The following ELAPOR1 variants were observed in gnomAD, a reference collection of about 807,000 sequenced individuals.
The protein encoded by ELAPOR1 is endosome/lysosome-associated apoptosis and autophagy regulator 1.
In ELAPOR1, 77 loss-of-function variants were observed where a neutral mutation model predicts 119.7. The ratio of observed to expected loss-of-function variants is 0.64; its 90% CI spans 0.54 to 0.78. The LOEUF is 0.78. ELAPOR1 is among the 30% of genes least tolerant of loss of function. The pLI is 0.00. For missense variants in ELAPOR1, 1,115 were observed against 1,270.4 expected, an observed-to-expected ratio of 0.88 and a Z score of 1.86; for synonymous variants, 481 against 487.2, an observed-to-expected ratio of 0.99 and a Z score of 0.17.
intron 7 of ELAPOR1, among the ~76,000 whole-genome samples, chr1:109,182,839 C>A (rs1434677340): frequency 3.4e-5 from 5 of 146,078 alleles, no homozygotes; most frequent in Non-Finnish European, 6.0e-5. Context: ...TGCACTCCAG[C>A]CTGGGCAACA....
intron 21 of ELAPOR1, among the ~76,000 whole-genome samples, chr1:109,202,103 A>G (rs760221593): frequency 6.6e-6 from 1 of 152,062 alleles, no homozygotes; most frequent in Non-Finnish European, 1.5e-5. Context: ...CTGTCTCTAA[A>G]AAACATGTAT....
At chr1:109,134,118 T>C (rs1014411649) in intron 1 of ELAPOR1, among the ~76,000 whole-genome samples, 1 of 152,216 alleles carries the variant, frequency 6.6e-6, no homozygotes, top group Non-Finnish European at 1.5e-5. Context: ...TTATTCCTTG[T>C]AGCAGAAGCC....
At chr1:109,128,098 C>G (rs1440858153) in intron 1 of ELAPOR1, among the ~76,000 whole-genome samples, 2 of 152,290 alleles carry the variant, frequency 1.3e-5, no homozygotes, top group South Asian at 4.1e-4. Flanking sequence ...GTCTTCAACT[C>G]CTGACCTTAA....
Position 109,164,479 on chromosome 1 carries a change from G to C in ELAPOR1, c.275-20G>C, listed in dbSNP as rs564773743. 6.3e-7 allele frequency: 1 copy of C among 1,595,302 alleles called. No individual in the cohort carries two copies. The highest frequency in any genetic ancestry group is 1.3e-5 in the African/African-American group (1 of 74,862). ...TGCAGTGACCTCACTGCCCCACCTT[G>C]TCTCTGCCCTGTTTTCCAGCCTTCT... On this transcript the variant is annotated intron_variant, in intron 2 of 21. Coordinates refer to ENST00000369939, the MANE Select transcript of ELAPOR1 (RefSeq NM_020775.5).
Position 109,130,896 on chromosome 1 carries a change from G to A in ELAPOR1, c.153+16560G>A, listed in dbSNP as rs555451495. ...CGTAAATCTGTAGTCTCAGCTACTC[G>A]GGAGGCTGAGGCAGGAGGATCACTT... is the stretch of plus-strand genomic sequence containing the variant. On this transcript the variant is annotated intron_variant, in intron 1 of 21. Transcript: ENST00000369939. Among the ~76,000 whole-genome samples the A allele has an allele frequency of 2.6e-5, 4 of 152,176 alleles. No individual in the cohort carries two copies. The South Asian group carries it at 6.2e-4, about 24-fold the overall frequency.
At chr1:109,131,476 G>A (rs1026253235) in intron 1 of ELAPOR1, among the ~76,000 whole-genome samples, 3 of 152,020 alleles carry the variant, frequency 2.0e-5, no homozygotes, top group East Asian at 1.9e-4. Context: ...TCTAGTTTCC[G>A]GCAGTGGACG....
intron 1 of ELAPOR1, among the ~76,000 whole-genome samples, chr1:109,136,385 C>A (rs949111522): frequency 6.6e-6 from 1 of 152,186 alleles, no homozygotes; most frequent in African/African-American, 2.4e-5. Flanking sequence ...GGCTGTCCCC[C>A]GAAGCCAGGG....
chr1:109,164,486 C>G lies in ELAPOR1; in HGVS notation c.275-13C>G. 6.2e-7 allele frequency: 1 copy of G among 1,601,064 alleles called. No homozygotes were observed. Among genetic ancestry groups the G allele is most frequent in the Non-Finnish European group, 8.5e-7 (1 of 1,171,398 alleles). ...ACCTCACTGCCCCACCTTGTCTCTG[C>G]CCTGTTTTCCAGCCTTCTCCTGCAA... On this transcript the variant is annotated splice_polypyrimidine_tract_variant and intron_variant, in intron 2 of 21. Transcript: ENST00000369939.
chr1:109,177,173 T>C (rs1321850904), intron 7 of ELAPOR1, among the ~76,000 whole-genome samples: 2 of 136,190 alleles, frequency 1.5e-5, no homozygotes, highest in African/African-American at 2.8e-5. Context: ...CACTTCCCAG[T>C]AGGGGCGGCC....
At position 109,171,891 on chromosome 1, in the gene ELAPOR1, T is replaced by C. The variant is rs893642522; in HGVS notation, c.493T>C (p.Tyr165His). 6.2e-7 allele frequency: 1 copy of C among 1,614,090 alleles called. No individual in the cohort carries two copies. Among genetic ancestry groups the C allele is most frequent in the African/African-American group, 1.3e-5 (1 of 74,944 alleles). The part of the protein sequence containing the change: ...TSSKWVPRGD[Y>H]IASNTDECTA... The stretch of plus-strand genomic sequence containing the variant: ...GTCCAAGTGGGTTCCCCGGGGCGAC[T>C]ACATCGCCTCCAACACGGACGAATG... Residue 165 changes from tyrosine to histidine, a missense_variant, in exon 4 of 22, where the codon TAC becomes CAC. Tyr to His is a moderately conservative substitution (Grantham distance 83). Coordinates refer to ENST00000369939, the MANE Select transcript of ELAPOR1 (RefSeq NM_020775.5).
intron 15 of ELAPOR1, among the ~76,000 whole-genome samples, chr1:109,196,471 A>G (rs1653798017): frequency 6.6e-6 from 1 of 152,176 alleles, no homozygotes; most frequent in Non-Finnish European, 1.5e-5. Flanking sequence ...AATTATGGAG[A>G]GCAATGAAGG....
In ELAPOR1 at chr1:109,199,879, G is replaced by A; in HGVS notation, c.2527G>A (p.Gly843Ser). ...AACGTGCTCGGATGGGACCTGTGAT[G>A]GCTGCAACTTCCACTTCCTGTGGGA... ...PGTCSDGTCD[G>S]CNFHFLWESA... The change falls in exon 19 of 22, where the codon GGC becomes AGC. Residue 843 changes from glycine to serine, a missense_variant. Transcript: ENST00000369939. The A allele has an allele frequency of 6.2e-7, 1 of 1,613,180 alleles. No individual in the cohort carries two copies. The highest frequency in any genetic ancestry group is 8.5e-7 in the Non-Finnish European group (1 of 1,180,018).
At position 109,119,235 on chromosome 1, in the gene ELAPOR1, T is replaced by A. The variant is rs1176960118; in HGVS notation, c.153+4899T>A. ...TTTTTGAGACAAGATCTGGCTCTACTCTGAAGGCTGGAATGTGGTGGTGCC... is the reference window on the plus strand; with the variant it reads ...TTTTTGAGACAAGATCTGGCTCTACACTGAAGGCTGGAATGTGGTGGTGCC... On this transcript the variant is annotated intron_variant, in intron 1 of 21. Coordinates refer to ENST00000369939, the MANE Select transcript of ELAPOR1 (RefSeq NM_020775.5). 2.0e-5 allele frequency among the ~76,000 whole-genome samples: 3 copies of A among 148,196 alleles called. No individual in the cohort carries two copies. The East Asian group carries it at 6.0e-4, about 30-fold the overall frequency.
chr1:109,187,391 CT>C, intron 8 of ELAPOR1: 1 of 986,016 alleles, frequency 1.0e-6, no homozygotes, highest in South Asian at 4.7e-5. Context: ...TTAAGGCAGT[CT>C]GTGTCCCTCC....
chr1:109,179,022 A>T (rs1300957684), intron 7 of ELAPOR1, among the ~76,000 whole-genome samples: 3 of 152,026 alleles, frequency 2.0e-5, no homozygotes, highest in Non-Finnish European at 4.4e-5. Context: ...CCCTCTAGAA[A>T]AGAAGGAAAA....
Position 109,205,914 on chromosome 1 carries a change from T to G in ELAPOR1, c.*2902T>G, listed in dbSNP as rs541168596. On this transcript the variant is annotated 3_prime_UTR_variant, in exon 22 of 22. Coordinates refer to ENST00000369939, the MANE Select transcript of ELAPOR1 (RefSeq NM_020775.5). ...TTTTAACAGCTTTATTGAGATATAA[T>G]TCACATATTACACAATTCACCTTTA... 3.3e-5 allele frequency: 5 copies of G among 152,320 alleles called. No homozygotes were observed. In the South Asian group the frequency reaches 8.3e-4, roughly 25 times the overall value. 9.4% of individuals were successfully genotyped at this position (152,320 alleles called of 1,614,324 possible). A position where few individuals can be genotyped will look rare whatever the true frequency, so the allele number is the denominator to read the frequency against.
chr1:109,129,270 G>A (rs1199720482), intron 1 of ELAPOR1, among the ~76,000 whole-genome samples: 1 of 152,182 alleles, frequency 6.6e-6, no homozygotes, highest in Admixed American at 6.5e-5. Context: ...AGCACTTTGG[G>A]AGGCCTAGGC....
intron 21 of ELAPOR1, 125 bp downstream of exon 21, chr1:109,201,025 C>A: frequency 1.1e-6 from 1 of 875,240 alleles, no homozygotes; most frequent in Non-Finnish European, 1.7e-6. Context: ...CGATACAATT[C>A]CATTTCCCCA....
At chr1:109,179,399 ACT>A (rs1652558825) in intron 7 of ELAPOR1, among the ~76,000 whole-genome samples, 1 of 125,042 alleles carries the variant, frequency 8.0e-6, no homozygotes, top group African/African-American at 3.2e-5. Context: ...ACAGAGTGAG[ACT>A]CTGTCTCCAA....
Sources: gnomAD v4.1 joint callset for allele counts (sites outside exome capture counted in the v4.1 genomes callset) on GRCh38, gnomAD v4.1.1 for gene constraint, MANE v1.5 for transcripts, NCBI Gene and HGNC (gene_info 2026-07-23, HGNC 2026-07-21) for gene names.